The following CAMTA1 variants were observed in gnomAD, a reference collection of about 807,000 sequenced individuals.
The protein encoded by CAMTA1 is calmodulin binding transcription activator 1, also known as calmodulin-binding transcription activator 1.
A neutral mutation model predicts 170.9 loss-of-function variants in CAMTA1; 27 were observed. The observed-to-expected ratio is 0.16, with a 90% CI of 0.12 to 0.22. The LOEUF is 0.22. Ranked by LOEUF, CAMTA1 falls within the 10% of genes least tolerant of loss-of-function variation. The pLI is 1.00. For missense variants in CAMTA1, 1,619 were observed against 2,217.2 expected (o/e 0.73, Z 5.42); for synonymous variants, 833 against 891.5 (o/e 0.93, Z 1.17).
intron 5 of CAMTA1, among the ~76,000 whole-genome samples, chr1:7,357,680 T>G (rs540540912): frequency 3.9e-5 from 1 of 25,412 alleles, no homozygotes; most frequent in South Asian, 9.0e-4. Flanking sequence ...GTTTGCTTGC[T>G]TTTGTTTTTA....
At chr1:7,095,111 C>T (rs9434462) in intron 4 of CAMTA1, among the ~76,000 whole-genome samples, 90,225 of 149,466 alleles carry the variant, frequency 0.6, 27,499 homozygotes, top group Middle Eastern at 0.71. Flanking sequence ...GAGCACTCAT[C>T]GCCTTCTGAC....
Position 7,622,374 on chromosome 1 carries a change from C to T in CAMTA1, c.511-18026C>T, listed in dbSNP as rs74053114. Among the ~76,000 whole-genome samples the T allele has an allele frequency of 3.7e-3, 558 of 152,348 alleles. 2 individuals are homozygous for T. Among genetic ancestry groups the T allele is most frequent in the African/African-American group, 0.013 (547 of 41,588 alleles). On this transcript the variant is annotated intron_variant, in intron 6 of 22. Transcript: ENST00000303635. ...TTCCACTTGGATGTGTGATTCCACT[C>T]CACATCCAAGTTCTTTCCATCATCT...
intron 11 of CAMTA1, among the ~76,000 whole-genome samples, chr1:7,717,038 C>A (rs2096615171): frequency 2.0e-5 from 3 of 152,104 alleles, no homozygotes; most frequent in Admixed American, 6.6e-5. Context: ...ACAAATGCCA[C>A]ATGATCTCAC....
intron 7 of CAMTA1, among the ~76,000 whole-genome samples, chr1:7,660,317 T>G (rs1233188979): frequency 1.3e-5 from 2 of 152,248 alleles, no homozygotes; most frequent in African/African-American, 4.8e-5. Context: ...TCCGCCCACT[T>G]TGGCCTTCCA....
chr1:7,035,733 T>C (rs190819474), intron 3 of CAMTA1, among the ~76,000 whole-genome samples: 46 of 152,374 alleles, frequency 3.0e-4, no homozygotes, highest in African/African-American at 7.7e-4. Flanking sequence ...GGAGAACTGC[T>C]ACTCTACAGA....
intron 3 of CAMTA1, among the ~76,000 whole-genome samples, chr1:7,039,610 G>A (rs1462573957): frequency 6.6e-6 from 1 of 152,222 alleles, no homozygotes; most frequent in Non-Finnish European, 1.5e-5. Context: ...GTTCTATTCT[G>A]TGAAATGCTC....
At chr1:6,811,779 C>T (rs866841138) in intron 1 of CAMTA1, among the ~76,000 whole-genome samples, 2 of 152,162 alleles carry the variant, frequency 1.3e-5, no homozygotes, top group South Asian at 2.1e-4. Flanking sequence ...TGGCTGTGTT[C>T]GGATTAAGGG....
Position 7,387,478 on chromosome 1 carries a change from C to T in CAMTA1, c.439-80352C>T, listed in dbSNP as rs192903746. ...CAGGCCGTGGGGTCTCTGAGCTTCA[C>T]GGCTGCAGCTGCCCCTGCCAGCAAG... On this transcript the variant is annotated intron_variant, in intron 5 of 22. Transcript: ENST00000303635. Among the ~76,000 whole-genome samples the T allele has an allele frequency of 5.3e-5, 8 of 152,306 alleles. No homozygotes were observed. In the East Asian group the frequency reaches 7.7e-4, roughly 15 times the overall value.
intron 3 of CAMTA1, among the ~76,000 whole-genome samples, chr1:7,042,179 G>A (rs1297666477): frequency 6.6e-6 from 1 of 152,150 alleles, no homozygotes; most frequent in East Asian, 1.9e-4. Flanking sequence ...AGGGCTAAGG[G>A]GATATTGATC....
intron 3 of CAMTA1, among the ~76,000 whole-genome samples, chr1:7,020,041 T>C (rs1459021266): frequency 6.6e-6 from 1 of 152,254 alleles, no homozygotes; most frequent in Non-Finnish European, 1.5e-5. Flanking sequence ...AATGCTGGCA[T>C]GGCTGGGCTG....
At chr1:6,926,557 CTT>C (rs1683288228) in intron 3 of CAMTA1, among the ~76,000 whole-genome samples, 2 of 119,314 alleles carry the variant, frequency 1.7e-5, no homozygotes, top group African/African-American at 3.2e-5. Context: ...TCCTTCCTTC[CTT>C]CTTTCTCTCT....
intron 6 of CAMTA1, among the ~76,000 whole-genome samples, chr1:7,587,827 C>T (rs951796072): frequency 7.9e-5 from 12 of 152,054 alleles, no homozygotes; most frequent in African/African-American, 2.4e-4. Flanking sequence ...ATGGGAGGGT[C>T]ATGGGGAACA....
chr1:7,003,422 G>A (rs1698528291), intron 3 of CAMTA1, among the ~76,000 whole-genome samples: 1 of 152,220 alleles, frequency 6.6e-6, no homozygotes, highest in Admixed American at 6.5e-5. Flanking sequence ...ATCATGTTTG[G>A]TGGCAGCAGG....
chr1:6,827,981 A>G (rs769121309), intron 3 of CAMTA1, among the ~76,000 whole-genome samples: 1 of 152,184 alleles, frequency 6.6e-6, no homozygotes, highest in Non-Finnish European at 1.5e-5. Context: ...GAATGCGCAC[A>G]GTTGAGAGCA....
chr1:7,121,689 C>T (rs936390309), intron 4 of CAMTA1, among the ~76,000 whole-genome samples: 1 of 152,198 alleles, frequency 6.6e-6, no homozygotes, highest in African/African-American at 2.4e-5. Flanking sequence ...ACTGTGCCTG[C>T]TGAGGTAGGG....
rs1043054241 is a variant in CAMTA1, at chr1:7,748,266, C to T, written c.4689+485C>T. On this transcript the variant is annotated intron_variant, in intron 19 of 22. Transcript: ENST00000303635. The surrounding 1 kb of genome is among the most constrained non-coding windows in gnomAD (Gnocchi z 4.7). ...ACAAACAAACAAACAAACAAACAAA[C>T]AAACAAAAACAGGGGAAGCCACACA... Among the ~76,000 whole-genome samples, 1 of 106,812 alleles carries T rather than the reference C, an allele frequency of 9.4e-6. No homozygotes were observed. Among genetic ancestry groups the T allele is most frequent in the Admixed American group, 1.0e-4 (1 of 9,848 alleles). 70.1% of individuals were successfully genotyped at this position (106,812 alleles called of 152,430 possible).
chr1:6,880,257 G>A (rs1268468561), intron 3 of CAMTA1, among the ~76,000 whole-genome samples: 1 of 150,992 alleles, frequency 6.6e-6, no homozygotes. Flanking sequence ...TGTTTTTCTT[G>A]TATAGACAGG....
intron 6 of CAMTA1, among the ~76,000 whole-genome samples, chr1:7,507,271 C>G (rs1346024237): frequency 6.6e-6 from 1 of 152,116 alleles, no homozygotes; most frequent in Non-Finnish European, 1.5e-5. Context: ...TCGCACACAC[C>G]CTGCCTTTTG....
At chr1:7,311,210 A>G (rs1263918064) in intron 5 of CAMTA1, among the ~76,000 whole-genome samples, 1 of 152,234 alleles carries the variant, frequency 6.6e-6, no homozygotes, top group Admixed American at 6.5e-5. Flanking sequence ...CTGTATCACA[A>G]TCCTTTTCAT....
Sources: gnomAD v4.1 joint callset for allele counts (sites outside exome capture counted in the v4.1 genomes callset) on GRCh38, gnomAD v4.1.1 for gene constraint, Gnocchi (gnomAD v3.1) non-coding constraint, MANE v1.5 for transcripts, NCBI Gene and HGNC (gene_info 2026-07-23, HGNC 2026-07-21) for gene names.